Variants in CNTNAP5 observed in about 807,000 individuals in gnomAD.
The protein encoded by CNTNAP5 is contactin associated protein family member 5.
A neutral mutation model predicts 150.2 loss-of-function variants in CNTNAP5; 72 were observed. That is an observed-to-expected ratio of 0.48 (90% CI 0.40 to 0.58). The LOEUF is 0.58. Ranked by LOEUF, CNTNAP5 falls within the 20% of genes least tolerant of loss-of-function variation. The probability of loss-of-function intolerance (pLI) is 0.00; values close to 1 mark genes in which losing one functional copy is unlikely to be tolerated. For synonymous variants in CNTNAP5, 672 were observed against 619.8 expected (o/e 1.08, Z -1.25); for missense variants, 1,636 against 1,626.2 (o/e 1.01, Z -0.10).
intron 11 of CNTNAP5, among the ~76,000 whole-genome samples, chr2:124,574,303 A>G (rs780104503): frequency 2.8e-4 from 42 of 152,276 alleles, no homozygotes; most frequent in Middle Eastern, 3.4e-3. Flanking sequence ...TACTGTGTGG[A>G]TTATACGTGG....
At chr2:124,377,118 C>T (rs1361335794) in intron 3 of CNTNAP5, among the ~76,000 whole-genome samples, 2 of 152,078 alleles carry the variant, frequency 1.3e-5, no homozygotes, top group African/African-American at 2.4e-5. Flanking sequence ...AGGTTCCTCT[C>T]ACGTAGTTAC....
At position 124,772,837 on chromosome 2, in the gene CNTNAP5, G is replaced by A; in HGVS notation, c.2572G>A (p.Gly858Ser). The change falls in exon 17 of 24, where the codon GGT becomes AGT. Residue 858 changes from glycine to serine, a missense_variant. Physicochemically the swap from Gly to Ser is moderately conservative, Grantham distance 56 (BLOSUM62 0). Transcript: ENST00000682447. Reference protein sequence around the residue: ...EITFAIDVGNGPVELVVQSPS... With the variant: ...EITFAIDVGNSPVELVVQSPS... Reference sequence around the variant, plus strand: ...CACCTTTGCCATCGATGTTGGGAATGGTCCTGTGGAGCTTGTAGTCCAGTC... The same window carrying A: ...CACCTTTGCCATCGATGTTGGGAATAGTCCTGTGGAGCTTGTAGTCCAGTC... 6.2e-7 allele frequency: 1 copy of A among 1,613,728 alleles called. No individual in the cohort carries two copies. The highest frequency in any genetic ancestry group is 1.1e-5 in the South Asian group (1 of 91,072).
At position 124,799,515 on chromosome 2, in the gene CNTNAP5, C is replaced by T. The variant is rs1681921069; in HGVS notation, c.3217+1195C>T. Among the ~76,000 whole-genome samples the T allele has an allele frequency of 3.3e-5, 5 of 152,300 alleles. No individual in the cohort carries two copies. In the South Asian group the frequency reaches 1.0e-3, roughly 32 times the overall value. ...GCTGGTATCATAAGATGGGGCTGGG[C>T]CTTGGCAGATTCTGCCCAAGCCATG... On this transcript the variant is annotated intron_variant, in intron 19 of 23. Coordinates refer to ENST00000682447, the MANE Select transcript of CNTNAP5 (RefSeq NM_001367498.1).
intron 13 of CNTNAP5, among the ~76,000 whole-genome samples, chr2:124,708,054 C>T (rs1326148281): frequency 6.6e-6 from 1 of 152,160 alleles, no homozygotes; most frequent in African/African-American, 2.4e-5. Flanking sequence ...TTCACTGTTG[C>T]TTTCTAAATC....
At chr2:124,711,751 G>A (rs1049720002) in intron 13 of CNTNAP5, among the ~76,000 whole-genome samples, 1 of 152,090 alleles carries the variant, frequency 6.6e-6, no homozygotes, top group African/African-American at 2.4e-5. Flanking sequence ...TGAGACAGGA[G>A]AATCCCTTGA....
chr2:124,843,194 G>A (rs184576759), intron 19 of CNTNAP5, among the ~76,000 whole-genome samples: 1 of 152,116 alleles, frequency 6.6e-6, no homozygotes, highest in Admixed American at 6.6e-5. Flanking sequence ...TATAATAATA[G>A]TTTCCAATTC....
At chr2:124,821,799 G>A (rs1264603083) in intron 19 of CNTNAP5, among the ~76,000 whole-genome samples, 1 of 152,170 alleles carries the variant, frequency 6.6e-6, no homozygotes, top group Non-Finnish European at 1.5e-5. Flanking sequence ...CTCTGCTCCA[G>A]AACTACTGAC....
At chr2:124,220,624 G>A (rs1686279947) in intron 1 of CNTNAP5, among the ~76,000 whole-genome samples, 1 of 152,066 alleles carries the variant, frequency 6.6e-6, no homozygotes, top group South Asian at 2.1e-4. Flanking sequence ...GAAATTTATT[G>A]GTTTACAGTT....
intron 11 of CNTNAP5, among the ~76,000 whole-genome samples, chr2:124,571,713 G>A (rs545063367): frequency 1.3e-5 from 2 of 150,974 alleles, no homozygotes; most frequent in Non-Finnish European, 2.9e-5. Flanking sequence ...TGTATTTTTA[G>A]TAGAAATGGG....
chr2:124,536,999 C>T (rs1293821165), intron 10 of CNTNAP5, among the ~76,000 whole-genome samples: 1 of 151,280 alleles, frequency 6.6e-6, no homozygotes, highest in Non-Finnish European at 1.5e-5. Flanking sequence ...TTACTGTGGG[C>T]CAGGGCAGTG....
chr2:124,403,709 G>A (rs1226981446), intron 3 of CNTNAP5, among the ~76,000 whole-genome samples: 2 of 152,168 alleles, frequency 1.3e-5, no homozygotes, highest in Non-Finnish European at 2.9e-5. Flanking sequence ...GGGGATGACA[G>A]GGCAAATCGT....
chr2:124,159,721 A>C (rs575457468), intron 1 of CNTNAP5, among the ~76,000 whole-genome samples: 10 of 152,338 alleles, frequency 6.6e-5, no homozygotes, highest in South Asian at 6.2e-4. Flanking sequence ...CTAAAAACTA[A>C]GTAAAGATGA....
At chr2:124,444,529 G>A (rs549654022) in intron 5 of CNTNAP5, among the ~76,000 whole-genome samples, 14 of 152,096 alleles carry the variant, frequency 9.2e-5, no homozygotes, top group African/African-American at 3.4e-4. Flanking sequence ...CAGGAGGCAG[G>A]GGTTGCAGTG....
chr2:124,581,292 G>C (rs1056453855), intron 11 of CNTNAP5, among the ~76,000 whole-genome samples: 24 of 152,084 alleles, frequency 1.6e-4, no homozygotes, highest in Non-Finnish European at 1.0e-4. Flanking sequence ...TGCCAAGGTG[G>C]GAATAAAAGT....
chr2:124,724,269 T>G (rs1235253607), intron 13 of CNTNAP5, among the ~76,000 whole-genome samples: 1 of 152,104 alleles, frequency 6.6e-6, no homozygotes, highest in African/African-American at 2.4e-5. Context: ...TTGTTTTGTT[T>G]AACCATGTGG....
intron 13 of CNTNAP5, among the ~76,000 whole-genome samples, chr2:124,736,758 A>G (rs1680390821): frequency 6.6e-6 from 1 of 152,108 alleles, no homozygotes; most frequent in African/African-American, 2.4e-5. Flanking sequence ...TGCAAAACAC[A>G]TTTTTTAATG....
chr2:124,648,949 A>C (rs1183154457), intron 13 of CNTNAP5, among the ~76,000 whole-genome samples: 2 of 152,242 alleles, frequency 1.3e-5, no homozygotes, highest in Non-Finnish European at 2.9e-5. Context: ...GAAATCATAG[A>C]AACCTAACTA....
Position 124,865,386 on chromosome 2 carries a change from A to C in CNTNAP5, c.3298A>C (p.Arg1100=), listed in dbSNP as rs1677610296. 14 of 1,554,182 alleles carry C rather than the reference A, an allele frequency of 9.0e-6. No individual in the cohort carries two copies. Among genetic ancestry groups the C allele is most frequent in the Non-Finnish European group, 1.2e-5 (14 of 1,147,932 alleles). ...TIDADNFANR[R]MHHLKINREG... is the part of the protein sequence containing the mutation. ...TGATGCAGATAACTTTGCTAACAGA[A>C]GGATGCACCACTTGAAGATTAACCG... is the stretch of plus-strand genomic sequence containing the variant. Residue 1100 remains arginine, a synonymous_variant, in exon 20 of 24, where the codon AGG becomes CGG. Coordinates refer to ENST00000682447, the MANE Select transcript of CNTNAP5 (RefSeq NM_001367498.1).
At chr2:124,867,449 C>T (rs1456299131) in intron 20 of CNTNAP5, among the ~76,000 whole-genome samples, 1 of 152,148 alleles carries the variant, frequency 6.6e-6, no homozygotes, top group African/African-American at 2.4e-5. Context: ...ATTGTGCTTA[C>T]CTGGCAAAAT....
Sources: gnomAD v4.1 joint callset for allele counts (sites outside exome capture counted in the v4.1 genomes callset) on GRCh38, gnomAD v4.1.1 for gene constraint, MANE v1.5 for transcripts, NCBI Gene and HGNC (gene_info 2026-07-23, HGNC 2026-07-21) for gene names.